TFDP2: variants seen among roughly 807,000 people sequenced by gnomAD.
The protein encoded by TFDP2 is transcription factor Dp-2.
TFDP2 carries 17 observed loss-of-function variants against 59.3 expected under a neutral mutation model. That is an observed-to-expected ratio of 0.29 (90% CI 0.20 to 0.43). The LOEUF is 0.43. Ranked by LOEUF, TFDP2 falls within the 20% of genes least tolerant of loss-of-function variation. The probability of loss-of-function intolerance (pLI) is 1.00; values close to 1 mark genes in which losing one functional copy is unlikely to be tolerated. For missense variants in TFDP2, 391 were observed against 528.8 expected (o/e 0.74, Z 2.56); for synonymous variants, 180 against 194.7 (o/e 0.92, Z 0.63).
intron 3 of TFDP2, among the ~76,000 whole-genome samples, chr3:142,064,647 G>A (rs1265739190): frequency 6.6e-6 from 1 of 152,104 alleles, no homozygotes; most frequent in Non-Finnish European, 1.5e-5. Flanking sequence ...CTTTTCATAT[G>A]TAAATGGGTC....
chr3:142,010,976 T>G (rs1471192702), intron 3 of TFDP2, among the ~76,000 whole-genome samples: 55 of 106,870 alleles, frequency 5.1e-4, no homozygotes, highest in African/African-American at 1.9e-3. Flanking sequence ...ATAGGAACAC[T>G]TTTACACTGT....
At chr3:142,045,175 C>T (rs1305502338) in intron 3 of TFDP2, among the ~76,000 whole-genome samples, 58 of 131,170 alleles carry the variant, frequency 4.4e-4, no homozygotes, top group African/African-American at 1.4e-3. Context: ...TTTTTTGAGA[C>T]GGAGTTTCAC....
At chr3:141,972,751 G>A (rs1224330913) in intron 8 of TFDP2, among the ~76,000 whole-genome samples, 3 of 151,994 alleles carry the variant, frequency 2.0e-5, no homozygotes, top group Non-Finnish European at 4.4e-5. Context: ...TCTTCTCCCC[G>A]GTGAGAATGA....
chr3:142,019,736 G>C (rs980378797), intron 3 of TFDP2, among the ~76,000 whole-genome samples: 6 of 151,490 alleles, frequency 4.0e-5, no homozygotes, highest in Admixed American at 3.3e-4. Context: ...GATATAAGAA[G>C]TGACAGATCC....
intron 1 of TFDP2, among the ~76,000 whole-genome samples, chr3:142,119,296 T>C (rs182721208): frequency 6.6e-6 from 1 of 152,264 alleles, no homozygotes; most frequent in African/African-American, 2.4e-5. Flanking sequence ...TAAAATTATT[T>C]AAAGAAAAAA....
intron 3 of TFDP2, among the ~76,000 whole-genome samples, chr3:142,057,672 T>C (rs2108506273): frequency 6.6e-6 from 1 of 152,338 alleles, no homozygotes; most frequent in African/African-American, 2.4e-5. Context: ...TAAAAGTGAC[T>C]GCATTTCAAA....
intron 3 of TFDP2, among the ~76,000 whole-genome samples, chr3:142,018,061 G>A (rs1043193872): frequency 6.6e-5 from 10 of 152,032 alleles, no homozygotes; most frequent in Non-Finnish European, 8.8e-5. Flanking sequence ...TCCTGCCTCA[G>A]CCTCCTGAAG....
At chr3:142,091,124 C>A (rs765414103) in intron 3 of TFDP2, among the ~76,000 whole-genome samples, 1 of 152,100 alleles carries the variant, frequency 6.6e-6, no homozygotes, top group Non-Finnish European at 1.5e-5. Context: ...CTGGAGTGGC[C>A]TCGGGCAGCT....
In TFDP2 at chr3:142,031,983, C is replaced by T. The variant is rs542154788; in HGVS notation, c.83-26439G>A. Among the ~76,000 whole-genome samples the T allele has an allele frequency of 1.5e-3, 233 of 152,286 alleles. 3 individuals carry two copies. The highest frequency in any genetic ancestry group is 5.0e-3 in the African/African-American group (206 of 41,570). On this transcript the variant is annotated intron_variant, in intron 3 of 12. Transcript: ENST00000489671. Reference sequence around the variant, plus strand: ...CTACACCTAAAGCAAAAACTTTCTGCTATCACTTGCATGGTTAGGTGCCAA... The same window carrying T: ...CTACACCTAAAGCAAAAACTTTCTGTTATCACTTGCATGGTTAGGTGCCAA...
chr3:141,988,753 C>T (rs1442174684), intron 6 of TFDP2, among the ~76,000 whole-genome samples: 5 of 146,480 alleles, frequency 3.4e-5, no homozygotes, highest in African/African-American at 1.3e-4. Flanking sequence ...ACTGCAACCT[C>T]TGCCTCCCAG....
At chr3:141,961,892 C>T (rs1407357839) in intron 10 of TFDP2, among the ~76,000 whole-genome samples, 1 of 152,094 alleles carries the variant, frequency 6.6e-6, no homozygotes, top group African/African-American at 2.4e-5. Flanking sequence ...GAGCTATAAT[C>T]GTGCCTGTAA....
At chr3:142,149,127 C>A (rs1291411495) in intron 1 of TFDP2, 56 bp downstream of exon 1, 3 of 397,640 alleles carry the variant, frequency 7.5e-6, no homozygotes, top group African/African-American at 6.2e-5. Context: ...GGAACGCGCC[C>A]GGCCGGGTCC....
intron 3 of TFDP2, among the ~76,000 whole-genome samples, chr3:142,040,953 G>A (rs1946936053): frequency 6.6e-6 from 1 of 151,946 alleles, no homozygotes; most frequent in Non-Finnish European, 1.5e-5. Flanking sequence ...TGTATTGTGG[G>A]GTTTATAACT....
chr3:141,974,017 C>G (rs1353165597), intron 8 of TFDP2, 31 bp downstream of exon 8: 2 of 1,593,676 alleles, frequency 1.3e-6, no homozygotes, highest in Non-Finnish European at 1.7e-6. Context: ...ATAATGCAAA[C>G]AGCTATTCAT....
chr3:142,060,328 C>T (rs2059877139), intron 3 of TFDP2, among the ~76,000 whole-genome samples: 1 of 152,138 alleles, frequency 6.6e-6, no homozygotes. Context: ...TTTCTCATAT[C>T]CATCTTAAGT....
chr3:142,034,200 A>G (rs1946569949), intron 3 of TFDP2, among the ~76,000 whole-genome samples: 2 of 150,038 alleles, frequency 1.3e-5, no homozygotes, highest in African/African-American at 2.5e-5. Context: ...GGTTCAAGCA[A>G]TTCTCCCGCC....
At chr3:142,104,657 A>G (rs2061418617) in intron 1 of TFDP2, among the ~76,000 whole-genome samples, 1 of 152,140 alleles carries the variant, frequency 6.6e-6, no homozygotes, top group Non-Finnish European at 1.5e-5. Context: ...TAACAATTAA[A>G]AAATAAAATA....
At chr3:142,016,297 G>C (rs1229842222) in intron 3 of TFDP2, among the ~76,000 whole-genome samples, 2 of 94,914 alleles carry the variant, frequency 2.1e-5, no homozygotes, top group African/African-American at 9.3e-5. Context: ...ACCACGCCCA[G>C]CAACATTTTT....
Position 141,989,889 on chromosome 3 carries a change from T to C in TFDP2, c.356+3649A>G, listed in dbSNP as rs189187012. On this transcript the variant is annotated intron_variant, in intron 6 of 12. Transcript: ENST00000489671. ...TACAGATTTACTTTAATAATAATAA[T>C]AATAATTATTATTATTATTATTGAG... Among the ~76,000 whole-genome samples, 304 of 149,906 alleles carry C rather than the reference T, an allele frequency of 2.0e-3. 1 individual carries two copies. The highest frequency in any genetic ancestry group is 6.8e-3 in the African/African-American group (279 of 40,928).
Sources: allele counts gnomAD v4.1 joint callset (sites outside exome capture counted in the v4.1 genomes callset), GRCh38; gene constraint gnomAD v4.1.1; transcripts MANE v1.5; gene names NCBI Gene and HGNC (gene_info 2026-07-23, HGNC 2026-07-21).